Variants in CNTLN observed in about 807,000 individuals in gnomAD.
The protein encoded by CNTLN is centlein, also known as centlein, centrosomal protein.
A neutral mutation model predicts 180.0 loss-of-function variants in CNTLN; 212 were observed. The ratio of observed to expected loss-of-function variants is 1.18; its 90% CI spans 1.05 to 1.32. The LOEUF (loss-of-function observed/expected upper bound fraction) is 1.32, where lower values mean the gene tolerates loss of function less well. Ranked by LOEUF, CNTLN falls within the 40% of genes most tolerant of loss-of-function variation. The pLI is 0.00. For synonymous variants in CNTLN, 722 were observed against 563.1 expected, an observed-to-expected ratio of 1.28 and a Z score of -3.99; for missense variants, 2,095 against 1,610.9, an observed-to-expected ratio of 1.30 and a Z score of -5.14.
At chr9:17,205,172 G>A (rs1195290518) in intron 2 of CNTLN, among the ~76,000 whole-genome samples, 1 of 152,140 alleles carries the variant, frequency 6.6e-6, no homozygotes, top group Admixed American at 6.6e-5. Flanking sequence ...GAGACCACTT[G>A]GCTCCCTGGC....
intron 8 of CNTLN, among the ~76,000 whole-genome samples, chr9:17,326,846 G>C (rs1820326963): frequency 6.6e-6 from 1 of 152,110 alleles, no homozygotes; most frequent in African/African-American, 2.4e-5. Flanking sequence ...TCAAGGTCAT[G>C]AAAGACAAGG....
At chr9:17,351,297 C>T (rs1053565474) in intron 12 of CNTLN, among the ~76,000 whole-genome samples, 1 of 152,178 alleles carries the variant, frequency 6.6e-6, no homozygotes, top group East Asian at 1.9e-4. Flanking sequence ...CATCTATCAT[C>T]CCATGATTTT....
chr9:17,310,318 A>T (rs558806397), intron 8 of CNTLN, among the ~76,000 whole-genome samples: 26 of 152,284 alleles, frequency 1.7e-4, no homozygotes, highest in Non-Finnish European at 3.2e-4. Context: ...TCATTCAAAA[A>T]AATGATATAA....
At chr9:17,189,851 CACTCT>C (rs1563863426) in intron 2 of CNTLN, among the ~76,000 whole-genome samples, 2 of 151,980 alleles carry the variant, frequency 1.3e-5, no homozygotes, top group African/African-American at 4.8e-5. Context: ...GAGGTCTTTT[CACTCT>C]GACTGATGGG....
intron 14 of CNTLN, among the ~76,000 whole-genome samples, chr9:17,390,210 T>G (rs973886792): frequency 2.6e-5 from 4 of 151,416 alleles, no homozygotes; most frequent in Non-Finnish European, 2.9e-5. Flanking sequence ...TATCAGGCAT[T>G]GTATTTCAGT....
At chr9:17,449,523 T>C (rs554023891) in intron 18 of CNTLN, among the ~76,000 whole-genome samples, 2 of 151,830 alleles carry the variant, frequency 1.3e-5, no homozygotes, top group East Asian at 3.9e-4. Flanking sequence ...AAGAGAGAGC[T>C]TTTCTTCTCG....
At chr9:17,377,658 A>C (rs1007808616) in intron 13 of CNTLN, among the ~76,000 whole-genome samples, 7 of 152,186 alleles carry the variant, frequency 4.6e-5, no homozygotes, top group Admixed American at 4.6e-4. Context: ...ATGATTCAAC[A>C]GGGATTAAAT....
chr9:17,483,839 A>G (rs984257016), intron 23 of CNTLN, among the ~76,000 whole-genome samples: 5 of 152,192 alleles, frequency 3.3e-5, no homozygotes, highest in Non-Finnish European at 4.4e-5. Context: ...TCTACTATTG[A>G]TAAAATAGAA....
intron 18 of CNTLN, chr9:17,447,255 G>C: frequency 4.7e-6 from 1 of 212,206 alleles, no homozygotes; most frequent in Non-Finnish European, 1.0e-5. Context: ...ATGTTGCCAA[G>C]CCTAAAGACA....
intron 2 of CNTLN, among the ~76,000 whole-genome samples, chr9:17,211,382 T>A (rs570776857): frequency 9.1e-4 from 138 of 152,308 alleles, no homozygotes; most frequent in African/African-American, 3.2e-3. Context: ...GTGGTATTAT[T>A]TCTGAGGGCT....
At chr9:17,262,637 A>C (rs1004222475) in intron 5 of CNTLN, among the ~76,000 whole-genome samples, 6 of 151,444 alleles carry the variant, frequency 4.0e-5, no homozygotes, top group African/African-American at 1.5e-4. Flanking sequence ...TTCGGGGTTA[A>C]CACCTAGTTG....
At chr9:17,282,742 C>G (rs1162477833) in intron 6 of CNTLN, among the ~76,000 whole-genome samples, 3 of 151,924 alleles carry the variant, frequency 2.0e-5, no homozygotes, top group Non-Finnish European at 4.4e-5. Context: ...GAGTCTTTAA[C>G]CTATCTTGAA....
In CNTLN at chr9:17,135,138, G is replaced by A. The variant is rs777120765; in HGVS notation, c.73G>A (p.Val25Ile). Residue 25 changes from valine to isoleucine, a missense_variant, in exon 1 of 26, where the codon GTT becomes ATT. By Grantham distance (29) the Val-to-Ile change is conservative. Transcript: ENST00000380647. Reference protein sequence around the residue: ...ARQLGPRSPRVGRGAEVHAMR... With the variant: ...ARQLGPRSPRIGRGAEVHAMR... Reference sequence around the variant, plus strand: ...ACAGCTGGGCCCCAGGTCCCCACGTGTTGGGCGGGGAGCTGAAGTACACGC... The same window carrying A: ...ACAGCTGGGCCCCAGGTCCCCACGTATTGGGCGGGGAGCTGAAGTACACGC... The A allele has an allele frequency of 1.9e-6, 3 of 1,607,880 alleles. No homozygotes were observed. The highest frequency in any genetic ancestry group is 1.3e-5 in the African/African-American group (1 of 74,910).
In CNTLN at chr9:17,466,071, C is replaced by T. The variant is rs1441960337; in HGVS notation, c.3622C>T (p.Gln1208Ter). 2 of 1,605,206 alleles carry T rather than the reference C, an allele frequency of 1.2e-6. No homozygotes were observed. Among genetic ancestry groups the T allele is most frequent in the African/African-American group, 2.7e-5 (2 of 74,316 alleles). Residue 1208 changes from glutamine to a stop codon, truncating the protein, a stop_gained, in exon 22 of 26, where the codon CAG (glutamine) becomes TAG (stop). Transcript: ENST00000380647. LOFTEE classifies it high-confidence loss of function. ...TAACGTTGCTGTAAAAGAAAAGTCA[C>T]AGTATGAACAGATGTATCAGAAATC... ...RLNVAVKEKS[Q>*]YEQMYQKSKE...
intron 18 of CNTLN, among the ~76,000 whole-genome samples, chr9:17,437,932 T>G (rs1829872879): frequency 6.6e-6 from 1 of 152,150 alleles, no homozygotes; most frequent in African/African-American, 2.4e-5. Context: ...GGCTTAACCT[T>G]AAGGTTTTGT....
intron 6 of CNTLN, among the ~76,000 whole-genome samples, chr9:17,290,640 G>T (rs1181315196): frequency 6.7e-6 from 1 of 148,486 alleles, no homozygotes; most frequent in Admixed American, 6.7e-5. Context: ...ATCTCAGACT[G>T]CTGTGCTAGC....
At chr9:17,185,622 G>C (rs546573082) in intron 2 of CNTLN, among the ~76,000 whole-genome samples, 2 of 152,032 alleles carry the variant, frequency 1.3e-5, no homozygotes, top group African/African-American at 4.8e-5. Context: ...CTACTATAAG[G>C]GTTCCCCAGA....
Position 17,235,841 on chromosome 9 carries a change from G to C in CNTLN, c.669+49G>C, listed in dbSNP as rs1403876943. On this transcript the variant is annotated intron_variant, in intron 4 of 25. Transcript: ENST00000380647. ...TGTGGGACTGTTGCTTTGAAGTTCT[G>C]CTTTAAGCTTTGTTAGCCTTTGTGG... is the stretch of plus-strand genomic sequence containing the variant. 17 of 1,546,574 alleles carry C rather than the reference G, an allele frequency of 1.1e-5. No individual in the cohort carries two copies. In the South Asian group the frequency reaches 1.9e-4, roughly 17 times the overall value.
At chr9:17,362,555 C>A (rs556983781) in intron 12 of CNTLN, among the ~76,000 whole-genome samples, 1 of 152,142 alleles carries the variant, frequency 6.6e-6, no homozygotes, top group South Asian at 2.1e-4. Context: ...GGAGAGGCTA[C>A]CTAATTTTTA....
Sources: gnomAD v4.1 joint callset for allele counts (sites outside exome capture counted in the v4.1 genomes callset) on GRCh38, gnomAD v4.1.1 for gene constraint, MANE v1.5 for transcripts, NCBI Gene and HGNC (gene_info 2026-07-23, HGNC 2026-07-21) for gene names.